Variants in ALG10B observed in about 807,000 individuals in gnomAD.
ALG10B encodes dol-P-Glc:Glc(2)Man(9)GlcNAc(2)-PP-Dol alpha-1,2-glucosyltransferase B.
Under a neutral mutation model 38.7 loss-of-function variants are expected in ALG10B, and 27 were observed. The ratio of observed to expected loss-of-function variants is 0.70; its 90% CI spans 0.51 to 0.96. The LOEUF (loss-of-function observed/expected upper bound fraction) is 0.96. ALG10B is among the 40% of genes least tolerant of loss of function. The pLI is 0.00. For missense variants in ALG10B, 522 were observed against 542.7 expected (o/e 0.96, Z 0.38); for synonymous variants, 177 against 193.3 (o/e 0.92, Z 0.70).
Position 38,324,392 on chromosome 12 carries a change from C to A in ALG10B, c.*3179C>A. On this transcript the variant is annotated 3_prime_UTR_variant, in exon 3 of 3. Transcript: ENST00000308742. The stretch of plus-strand genomic sequence containing the variant: ...GTTTAAGAGATGTTTTGGTGAAAAT[C>A]TACATTCAGAGAGAAACAGGTTAAT... 6.5e-6 allele frequency: 1 copy of A among 153,782 alleles called. No individual in the cohort carries two copies. Among genetic ancestry groups the A allele is most frequent in the Non-Finnish European group, 1.4e-5 (1 of 69,108 alleles). 9.5% of individuals were successfully genotyped at this position (153,782 alleles called of 1,614,324 possible).
In ALG10B at chr12:38,324,367, G is replaced by A. The variant is rs1167696054; in HGVS notation, c.*3154G>A. 1 of 154,572 alleles carries A rather than the reference G, an allele frequency of 6.5e-6. No individual in the cohort carries two copies. Among genetic ancestry groups the A allele is most frequent in the African/African-American group, 2.4e-5 (1 of 41,420 alleles). The allele number at this position is 154,572 out of a possible 1,614,324, so 9.6% of individuals were successfully genotyped here. On this transcript the variant is annotated 3_prime_UTR_variant, in exon 3 of 3. Coordinates refer to ENST00000308742, the MANE Select transcript of ALG10B (RefSeq NM_001013620.4). ...CATTTTTAAGTGTTGAGTCCCTGCT[G>A]TTTAAGAGATGTTTTGGTGAAAATC... is the stretch of plus-strand genomic sequence containing the variant.
rs1006971558 is a variant in ALG10B, at chr12:38,326,162, A to T, written c.*4949A>T. The T allele has an allele frequency of 7.8e-4, 115 of 146,694 alleles. No individual in the cohort carries two copies. The highest frequency in any genetic ancestry group is 3.5e-3 in the Middle Eastern group (1 of 282). The allele number at this position is 146,694 out of a possible 1,614,324, so 9.1% of individuals were successfully genotyped here. ...AAGCTTTCTTAAAACATGATGAGAT[A>T]TTTTGTGATTTTATTTTATTTTATT... is the stretch of plus-strand genomic sequence containing the variant. On this transcript the variant is annotated 3_prime_UTR_variant, in exon 3 of 3. Coordinates refer to ENST00000308742, the MANE Select transcript of ALG10B (RefSeq NM_001013620.4).
At chr12:38,318,148 T>C in intron 1 of ALG10B, 113 bp from the exon 2 acceptor site, 1 of 1,376,168 alleles carries the variant, frequency 7.3e-7, no homozygotes. Context: ...TGTCATAGAC[T>C]AACTTCTCAA....
Position 38,322,472 on chromosome 12 carries a change from A to G in ALG10B, c.*1259A>G, listed in dbSNP as rs3209469. The G allele has an allele frequency of 1.3e-5, 2 of 152,196 alleles. No homozygotes were observed. Among genetic ancestry groups the G allele is most frequent in the Non-Finnish European group, 2.9e-5 (2 of 68,034 alleles). The allele number at this position is 152,196 out of a possible 1,614,324, so 9.4% of individuals were successfully genotyped here. ...TGATTGTTAGGAGACTACCTTTAAA[A>G]ATTTTTTATTATATATCAAATTATA... On this transcript the variant is annotated 3_prime_UTR_variant, in exon 3 of 3. Coordinates refer to ENST00000308742, the MANE Select transcript of ALG10B (RefSeq NM_001013620.4).
rs1335492222 is a variant in ALG10B, at chr12:38,323,834, C to G, written c.*2621C>G. 5.2e-5 allele frequency: 36 copies of G among 696,382 alleles called. No homozygotes were observed. The highest frequency in any genetic ancestry group is 8.9e-5 in the Non-Finnish European group (34 of 382,864). 43.1% of individuals were successfully genotyped at this position (696,382 alleles called of 1,614,324 possible). ...TAGTGGAGAACTAAATCTGGGAAGTCAAAATTGAAAAAAGAATGTGTAATT... is the reference window on the plus strand; with the variant it reads ...TAGTGGAGAACTAAATCTGGGAAGTGAAAATTGAAAAAAGAATGTGTAATT... On this transcript the variant is annotated 3_prime_UTR_variant, in exon 3 of 3. Transcript: ENST00000308742.
Position 38,320,348 on chromosome 12 carries a change from G to C in ALG10B, c.557G>C (p.Arg186Pro), listed in dbSNP as rs570861653. Residue 186 changes from arginine (R) to proline (P), a missense_variant, in exon 3 of 3, where the codon CGG (arginine) becomes CCG (proline). Transcript: ENST00000308742. The stretch of plus-strand genomic sequence containing the variant: ...CTTGGATTTTGTGGCTTCATGTTTC[G>C]GCAAACAAATATCATCTGGGCTGTC... ...AFLGFCGFMF[R>P]QTNIIWAVFC... The C allele has an allele frequency of 1.2e-6, 2 of 1,613,776 alleles. No homozygotes were observed. The highest frequency in any genetic ancestry group is 1.7e-5 in the Admixed American group (1 of 59,976).
chr12:38,324,258 T>A lies in ALG10B; in HGVS notation c.*3045T>A, dbSNP rs1945725309. 1.8e-5 allele frequency: 4 copies of A among 226,462 alleles called. No homozygotes were observed. The allele number at this position is 226,462 out of a possible 1,614,324, so 14.0% of individuals were successfully genotyped here. A position where few individuals can be genotyped will look rare whatever the true frequency, so the allele number is the denominator to read the frequency against. On this transcript the variant is annotated 3_prime_UTR_variant, in exon 3 of 3. Transcript: ENST00000308742. ...CGTGTTAGCCAGGCTGGTCTCGAAC[T>A]CCTGACCTCAGGTAATCCACCTGCC...
In ALG10B at chr12:38,321,075, C is replaced by G. The variant is rs772570711; in HGVS notation, c.1284C>G (p.Asn428Lys). The G allele has an allele frequency of 6.2e-7, 1 of 1,613,702 alleles. No individual in the cohort carries two copies. The highest frequency in any genetic ancestry group is 1.1e-5 in the South Asian group (1 of 91,062). The change falls in exon 3 of 3, where the codon AAC becomes AAG. Residue 428 changes from asparagine (N) to lysine (K), a missense_variant. Transcript: ENST00000308742. Reference protein sequence around the residue: ...FILPYVIYRLNITLPPTSRLV... With the variant: ...FILPYVIYRLKITLPPTSRLV... ...TACCTTATGTCATTTATAGGCTTAACATAACTCTGCCTCCCACATCCAGAC... is the reference window on the plus strand; with the variant it reads ...TACCTTATGTCATTTATAGGCTTAAGATAACTCTGCCTCCCACATCCAGAC...
At position 38,327,739 on chromosome 12, in the gene ALG10B, G is replaced by T. The variant is rs926697292; in HGVS notation, c.*6526G>T. On this transcript the variant is annotated 3_prime_UTR_variant, in exon 3 of 3. Transcript: ENST00000308742. ...GCAGTTTCCAAACCATTCATGACGT[G>T]TTATTTTTGTACTGGATATAGTCAT... 1 of 152,044 alleles carries T rather than the reference G, an allele frequency of 6.6e-6. No individual in the cohort carries two copies. The highest frequency in any genetic ancestry group is 6.6e-5 in the Admixed American group (1 of 15,264). The allele number at this position is 152,044 out of a possible 1,614,324, so 9.4% of individuals were successfully genotyped here.
chr12:38,316,910 GT>G lies in ALG10B; in HGVS notation c.19del (p.Tyr7ThrfsTer7). The G allele has an allele frequency of 6.2e-7, 1 of 1,614,170 alleles. No individual in the cohort carries two copies. The highest frequency in any genetic ancestry group is 1.1e-5 in the South Asian group (1 of 91,078). On this transcript the variant is annotated frameshift_variant, in exon 1 of 3. Transcript: ENST00000308742. LOFTEE classifies it high-confidence loss of function. ...GGAGCAGGAATGGCGCAGCTAGAGG[GT>G]TACTGTTTCTCGGCCGCCTTGAGCT... The part of the protein sequence containing the change: MAQLE[G>X]YCFSAALSCT...
Position 38,324,157 on chromosome 12 carries a change from C to A in ALG10B, c.*2944C>A. ...AAGCAGTTCTCCTGCCTCAGCCTCCCGAGTAGCTGAGATTATAGGCGCCCA... is the reference window on the plus strand; with the variant it reads ...AAGCAGTTCTCCTGCCTCAGCCTCCAGAGTAGCTGAGATTATAGGCGCCCA... On this transcript the variant is annotated 3_prime_UTR_variant, in exon 3 of 3. Transcript: ENST00000308742. 1 of 469,622 alleles carries A rather than the reference C, an allele frequency of 2.1e-6. No homozygotes were observed. Among genetic ancestry groups the A allele is most frequent in the South Asian group, 3.4e-5 (1 of 29,126 alleles). 29.1% of individuals were successfully genotyped at this position (469,622 alleles called of 1,614,324 possible).
rs1367860807 is a variant in ALG10B at position 38,320,930 on chromosome 12, C to A, written c.1139C>A (p.Ala380Asp). ...KYLLVPAYIF[A>D]GWSIADSLKS... ...TTGTTAGTTCCAGCCTATATATTTG[C>A]TGGTTGGAGTATAGCTGACTCATTG... Residue 380 changes from alanine to aspartate, a missense_variant, in exon 3 of 3, where the codon GCT becomes GAT. Physicochemically the swap from Ala to Asp is moderately radical, Grantham distance 126 (BLOSUM62 -2). Coordinates refer to ENST00000308742, the MANE Select transcript of ALG10B (RefSeq NM_001013620.4). 4 of 1,613,622 alleles carry A rather than the reference C, an allele frequency of 2.5e-6. No homozygotes were observed. Among genetic ancestry groups the A allele is most frequent in the Non-Finnish European group, 3.4e-6 (4 of 1,179,884 alleles).
intron 1 of ALG10B, chr12:38,317,279 G>A (rs1945664311): frequency 2.8e-6 from 2 of 722,352 alleles, no homozygotes; most frequent in East Asian, 2.8e-5. Context: ...TCCCCAGGGA[G>A]GAGTGATCTG....
Position 38,326,982 on chromosome 12 carries a change from A to C in ALG10B, c.*5769A>C, listed in dbSNP as rs1945749703. On this transcript the variant is annotated 3_prime_UTR_variant, in exon 3 of 3. Transcript: ENST00000308742. ...TTTTATCTCAGCCTATCACCATCAGACCAAAAGACAATACAGTATTTTTCT... is the reference window on the plus strand; with the variant it reads ...TTTTATCTCAGCCTATCACCATCAGCCCAAAAGACAATACAGTATTTTTCT... 6.6e-6 allele frequency: 1 copy of C among 150,648 alleles called. No individual in the cohort carries two copies. The highest frequency in any genetic ancestry group is 1.5e-5 in the Non-Finnish European group (1 of 67,712). The allele number at this position is 150,648 out of a possible 1,614,324, so 9.3% of individuals were successfully genotyped here.
Position 38,324,062 on chromosome 12 carries a change from C to A in ALG10B, c.*2849C>A. 1.5e-6 allele frequency: 1 copy of A among 645,430 alleles called. No homozygotes were observed. The allele number at this position is 645,430 out of a possible 1,614,324, so 40.0% of individuals were successfully genotyped here. A position where few individuals can be genotyped will look rare whatever the true frequency, so the allele number is the denominator to read the frequency against. On this transcript the variant is annotated 3_prime_UTR_variant, in exon 3 of 3. Coordinates refer to ENST00000308742, the MANE Select transcript of ALG10B (RefSeq NM_001013620.4). ...TGTTTTTGTCTTTGAGGAGAAGTCT[C>A]GCTCTTGTCCCCCAGGCTGGAATGC...
chr12:38,318,718 G>A (rs377752835), intron 2 of ALG10B, among the ~76,000 whole-genome samples: 1 of 152,196 alleles, frequency 6.6e-6, no homozygotes, highest in Non-Finnish European at 1.5e-5. Flanking sequence ...TACTTACTGA[G>A]CTTATTCCAT....
chr12:38,318,221 A>G, intron 1 of ALG10B, 40 bp from the exon 2 acceptor site: 2 of 1,610,092 alleles, frequency 1.2e-6, no homozygotes, highest in Non-Finnish European at 1.7e-6. Flanking sequence ...TCTTGTTCGT[A>G]TTACCTCTTG....
chr12:38,317,908 A>C, intron 1 of ALG10B: 1 of 341,842 alleles, frequency 2.9e-6, no homozygotes, highest in Non-Finnish European at 5.6e-6. Flanking sequence ...CCTGTGGTCC[A>C]AATGTTTTCC....
chr12:38,318,006 C>G (rs1265175607), intron 1 of ALG10B: 2 of 508,398 alleles, frequency 3.9e-6, no homozygotes, highest in Non-Finnish European at 7.1e-6. Context: ...TTTTAAAGAA[C>G]ATTTCTTGGA....
Sources: gnomAD v4.1 joint callset for allele counts (sites outside exome capture counted in the v4.1 genomes callset) on GRCh38, gnomAD v4.1.1 for gene constraint, MANE v1.5 for transcripts, NCBI Gene and HGNC (gene_info 2026-07-23, HGNC 2026-07-21) for gene names.